Variants in SHANK2 observed in about 807,000 individuals in gnomAD.
The protein encoded by SHANK2 is SH3 and multiple ankyrin repeat domains protein 2.
SHANK2 carries 43 observed loss-of-function variants against 133.7 expected under a neutral mutation model. The observed-to-expected ratio is 0.32, with a 90% CI of 0.25 to 0.41. The LOEUF is 0.41. SHANK2 is among the 10% of genes least tolerant of loss of function. SHANK2 has a pLI of 1.00. For missense variants in SHANK2, 1,994 were observed against 2,235.8 expected, an observed-to-expected ratio of 0.89 and a Z score of 2.18; for synonymous variants, 1,017 against 952.8, an observed-to-expected ratio of 1.07 and a Z score of -1.24.
intron 25 of SHANK2, among the ~76,000 whole-genome samples, chr11:70,481,514 A>G (rs2058733434): frequency 6.6e-6 from 1 of 152,224 alleles, no homozygotes; most frequent in Non-Finnish European, 1.5e-5. Context: ...GTTTCTGCCC[A>G]TTTCATGAAT....
At chr11:71,248,816 C>T (rs969202361) in intron 1 of SHANK2, among the ~76,000 whole-genome samples, 2 of 152,164 alleles carry the variant, frequency 1.3e-5, no homozygotes, top group African/African-American at 4.8e-5. Context: ...CCCCACCCCA[C>T]GCTGGGTTGG....
intron 11 of SHANK2, among the ~76,000 whole-genome samples, chr11:70,890,076 T>C (rs1049465650): frequency 1.3e-5 from 2 of 152,130 alleles, no homozygotes; most frequent in African/African-American, 4.8e-5. Flanking sequence ...ACATCACTTT[T>C]AGATCTGGGG....
At chr11:70,691,575 A>G (rs1219855235) in intron 15 of SHANK2, among the ~76,000 whole-genome samples, 2 of 152,190 alleles carry the variant, frequency 1.3e-5, no homozygotes, top group Admixed American at 1.3e-4. Context: ...ACTACAAAAG[A>G]ACTATATACT....
intron 11 of SHANK2, among the ~76,000 whole-genome samples, chr11:70,876,225 TAC>T (rs576687212): frequency 8.9e-5 from 1 of 11,218 alleles, no homozygotes; most frequent in African/African-American, 1.6e-4. Flanking sequence ...ATATACATAA[TAC>T]ACACACACAC....
intron 14 of SHANK2, among the ~76,000 whole-genome samples, chr11:70,756,972 C>G (rs1439621573): frequency 1.3e-5 from 2 of 152,158 alleles, no homozygotes; most frequent in Non-Finnish European, 2.9e-5. Context: ...GGTCCTTGCG[C>G]CCCCGTCTGC....
At chr11:70,792,128 C>T (rs1591850129) in intron 14 of SHANK2, among the ~76,000 whole-genome samples, 1 of 151,776 alleles carries the variant, frequency 6.6e-6, no homozygotes, top group Non-Finnish European at 1.5e-5. Context: ...ACCAACCAAC[C>T]AACTAACCAA....
At chr11:70,741,728 A>C (rs886729995) in intron 14 of SHANK2, among the ~76,000 whole-genome samples, 1 of 152,214 alleles carries the variant, frequency 6.6e-6, no homozygotes, top group Non-Finnish European at 1.5e-5. Flanking sequence ...AACTAGCAGA[A>C]AACCTACTAT....
chr11:70,915,271 T>C (rs1950254281), intron 10 of SHANK2, among the ~76,000 whole-genome samples: 1 of 152,152 alleles, frequency 6.6e-6, no homozygotes, highest in South Asian at 2.1e-4. Flanking sequence ...AGGGCTGCTG[T>C]TCCCAAATCC....
chr11:70,729,220 GAAGA>G (rs1327938437), intron 14 of SHANK2, among the ~76,000 whole-genome samples: 1 of 150,148 alleles, frequency 6.7e-6, no homozygotes, highest in Non-Finnish European at 1.5e-5. Context: ...AAAAAAAAAA[GAAGA>G]AAGAAAGAAA....
chr11:70,480,940 G>A (rs782356456), intron 25 of SHANK2, among the ~76,000 whole-genome samples: 7 of 152,210 alleles, frequency 4.6e-5, no homozygotes, highest in African/African-American at 9.6e-5. Flanking sequence ...GACCCCCAGC[G>A]TGCAGCACTG....
chr11:70,714,969 C>CTT (rs559854814), intron 14 of SHANK2, among the ~76,000 whole-genome samples: 3 of 142,742 alleles, frequency 2.1e-5, no homozygotes, highest in Non-Finnish European at 4.6e-5. Flanking sequence ...CCACACTTGG[C>CTT]TTTTTTTTTT....
At chr11:70,947,215 G>A (rs907541766) in intron 10 of SHANK2, among the ~76,000 whole-genome samples, 4 of 150,154 alleles carry the variant, frequency 2.7e-5, no homozygotes, top group Admixed American at 2.7e-4. Flanking sequence ...TTAGAAAACA[G>A]CCCTGCAGTA....
chr11:70,824,085 T>C (rs535315516), intron 11 of SHANK2, among the ~76,000 whole-genome samples: 1 of 147,546 alleles, frequency 6.8e-6, no homozygotes, highest in Non-Finnish European at 1.5e-5. Context: ...GTGGCGTTGA[T>C]GGAGCTCCTG....
intron 2 of SHANK2, among the ~76,000 whole-genome samples, chr11:71,183,399 C>T (rs901267329): frequency 1.3e-5 from 2 of 151,514 alleles, no homozygotes; most frequent in South Asian, 4.2e-4. Context: ...GCAGTCCCAG[C>T]TGTGAGGCCA....
intron 10 of SHANK2, chr11:70,943,178 G>A (rs2135854467): frequency 2.3e-6 from 1 of 440,882 alleles, no homozygotes; most frequent in Admixed American, 2.5e-5. Flanking sequence ...TTGAGAAGAT[G>A]GTGCTCAGTC....
chr11:71,113,864 A>G (rs1951932067), intron 4 of SHANK2, among the ~76,000 whole-genome samples: 1 of 152,218 alleles, frequency 6.6e-6, no homozygotes, highest in Admixed American at 6.5e-5. Flanking sequence ...CGCTGAAGCC[A>G]CTGTTTTTCC....
intron 15 of SHANK2, among the ~76,000 whole-genome samples, chr11:70,696,641 A>G (rs1945398044): frequency 1.3e-5 from 2 of 152,300 alleles, no homozygotes; most frequent in South Asian, 4.1e-4. Flanking sequence ...GTGTAGCAAG[A>G]CCTGGAAAGT....
intron 6 of SHANK2, among the ~76,000 whole-genome samples, chr11:71,109,567 C>A (rs934659821): frequency 1.3e-5 from 2 of 152,210 alleles, no homozygotes; most frequent in African/African-American, 4.8e-5. Context: ...GCTGCCCGTG[C>A]CCAGCGGGAG....
chr11:70,714,645 T>C (rs1434823282), intron 14 of SHANK2, among the ~76,000 whole-genome samples: 5 of 152,182 alleles, frequency 3.3e-5, no homozygotes, highest in African/African-American at 1.2e-4. Context: ...TCTGATCATT[T>C]CCAAGGTCAC....
Sources: allele counts gnomAD v4.1 joint callset (sites outside exome capture counted in the v4.1 genomes callset), GRCh38; gene constraint gnomAD v4.1.1; transcripts MANE v1.5; gene names NCBI Gene and HGNC (gene_info 2026-07-23, HGNC 2026-07-21).